The following PRKD1 variants were observed in gnomAD, a reference collection of about 807,000 sequenced individuals.
PRKD1 encodes protein kinase D1, also known as serine/threonine-protein kinase D1.
Under a neutral mutation model 95.9 loss-of-function variants are expected in PRKD1, and 63 were observed. The observed-to-expected ratio is 0.66, with a 90% CI of 0.54 to 0.81. PRKD1 has a LOEUF of 0.81. Ranked by LOEUF, PRKD1 falls within the 30% of genes least tolerant of loss-of-function variation. The pLI is 0.00. For missense variants in PRKD1, 1,048 were observed against 1,165.3 expected, an observed-to-expected ratio of 0.90 and a Z score of 1.47; for synonymous variants, 425 against 423.1, an observed-to-expected ratio of 1.00 and a Z score of -0.05.
chr14:29,653,817 C>A (rs1204829099), intron 4 of PRKD1, among the ~76,000 whole-genome samples: 4 of 152,056 alleles, frequency 2.6e-5, no homozygotes, highest in African/African-American at 9.7e-5. Context: ...AACCAATAAG[C>A]AACTCAATGG....
In PRKD1 at chr14:29,620,346, G is replaced by A. The variant is rs528524361; in HGVS notation, c.1905+3806C>T. ...AAATGGGATATAATTAAACTCAAGA[G>A]CTTCTGCACAGCAAACGAAACTACC... On this transcript the variant is annotated intron_variant, in intron 13 of 17. Transcript: ENST00000331968. 2.6e-5 allele frequency among the ~76,000 whole-genome samples: 4 copies of A among 150,960 alleles called. No homozygotes were observed. In the South Asian group the frequency reaches 8.4e-4, roughly 32 times the overall value.
At chr14:29,888,838 T>C (rs1414396865) in intron 1 of PRKD1, among the ~76,000 whole-genome samples, 1 of 152,240 alleles carries the variant, frequency 6.6e-6, no homozygotes, top group Non-Finnish European at 1.5e-5. Context: ...ATATTCACCC[T>C]TATTTCTAAA....
intron 1 of PRKD1, among the ~76,000 whole-genome samples, chr14:29,786,852 A>C (rs547521189): frequency 2.0e-4 from 30 of 149,440 alleles, no homozygotes; most frequent in African/African-American, 6.9e-4. Flanking sequence ...TCTGATCTTT[A>C]TTTCTTTCCT....
At chr14:29,910,814 C>T (rs1894682350) in intron 1 of PRKD1, among the ~76,000 whole-genome samples, 1 of 152,116 alleles carries the variant, frequency 6.6e-6, no homozygotes, top group Admixed American at 6.5e-5. Context: ...TTGATCTATA[C>T]TTGTCACAAA....
chr14:29,804,008 G>A (rs928925944), intron 1 of PRKD1, among the ~76,000 whole-genome samples: 5 of 152,108 alleles, frequency 3.3e-5, no homozygotes, highest in South Asian at 2.1e-4. Context: ...TTGGGAGGCC[G>A]AGGGGGGCGG....
At chr14:29,841,829 C>T (rs1891859905) in intron 1 of PRKD1, among the ~76,000 whole-genome samples, 1 of 151,816 alleles carries the variant, frequency 6.6e-6, no homozygotes, top group Admixed American at 6.5e-5. Flanking sequence ...ACTTTTAAAA[C>T]TTTTTGACTC....
At chr14:29,614,706 T>C (rs12894576) in intron 13 of PRKD1, among the ~76,000 whole-genome samples, 73,594 of 150,100 alleles carry the variant, frequency 0.49, 19,662 homozygotes, top group East Asian at 0.68. Context: ...TACACATATA[T>C]TTTTTTTTTT....
intron 1 of PRKD1, among the ~76,000 whole-genome samples, chr14:29,747,499 C>A (rs994559034): frequency 2.9e-4 from 44 of 152,138 alleles, no homozygotes; most frequent in African/African-American, 9.7e-4. Flanking sequence ...ACTGCACACA[C>A]ATGTTCATAG....
At chr14:29,706,448 T>C (rs1036037712) in intron 2 of PRKD1, among the ~76,000 whole-genome samples, 30 of 152,166 alleles carry the variant, frequency 2.0e-4, no homozygotes, top group Admixed American at 1.6e-3. Flanking sequence ...AACAATGTTG[T>C]CTTTGCAGTG....
In PRKD1 at chr14:29,590,732, T is replaced by C. The variant is rs1481478580; in HGVS notation, c.2434+6759A>G. ...CTGTAACCCCATATCTTCAAACCTA[T>C]ACCCAAAGGAGAATTTAAGTGTTAA... On this transcript the variant is annotated intron_variant, in intron 16 of 17. Transcript: ENST00000331968. Among the ~76,000 whole-genome samples the C allele has an allele frequency of 2.0e-5, 3 of 152,280 alleles. No individual in the cohort carries two copies. In the South Asian group the frequency reaches 6.2e-4, roughly 32 times the overall value.
intron 1 of PRKD1, among the ~76,000 whole-genome samples, chr14:29,786,049 T>C (rs1259448496): frequency 6.6e-6 from 1 of 152,112 alleles, no homozygotes; most frequent in Non-Finnish European, 1.5e-5. Flanking sequence ...GTTTTCAACA[T>C]GAAGGGATGT....
intron 2 of PRKD1, among the ~76,000 whole-genome samples, chr14:29,702,294 G>A (rs1313298625): frequency 6.6e-6 from 1 of 151,834 alleles, no homozygotes; most frequent in African/African-American, 2.4e-5. Context: ...AACAGTTATT[G>A]GTTTTCTCCT....
chr14:29,674,680 A>C (rs1349227946), intron 2 of PRKD1, among the ~76,000 whole-genome samples: 1 of 152,236 alleles, frequency 6.6e-6, no homozygotes, highest in Non-Finnish European at 1.5e-5. Flanking sequence ...AGGAGGCTTT[A>C]TACCTTTAAA....
intron 1 of PRKD1, among the ~76,000 whole-genome samples, chr14:29,860,649 A>G (rs1273707905): frequency 6.6e-6 from 1 of 152,266 alleles, no homozygotes; most frequent in Non-Finnish European, 1.5e-5. Flanking sequence ...TAATTTTAAG[A>G]TTCCATGTAT....
At chr14:29,774,619 G>A (rs1428623589) in intron 1 of PRKD1, among the ~76,000 whole-genome samples, 1 of 152,120 alleles carries the variant, frequency 6.6e-6, no homozygotes, top group Non-Finnish European at 1.5e-5. Context: ...ACTGGAATTT[G>A]GGACACAAGT....
chr14:29,794,835 CAGTTGTAACCCTCCCAATATTGATAA>C (rs926981035), intron 1 of PRKD1, among the ~76,000 whole-genome samples: 1 of 152,104 alleles, frequency 6.6e-6, no homozygotes, highest in Non-Finnish European at 1.5e-5. Context: ...GGTATGATCA[CAGTTGTAACCCTCCCAATATTGATAA>C]ATTCTTCTAA....
chr14:29,705,057 A>G (rs901083795), intron 2 of PRKD1, among the ~76,000 whole-genome samples: 1 of 152,146 alleles, frequency 6.6e-6, no homozygotes, highest in African/African-American at 2.4e-5. Context: ...GAAGCAAAGC[A>G]TAACTGTACT....
At chr14:29,676,177 G>GGT (rs1555334424) in intron 2 of PRKD1, among the ~76,000 whole-genome samples, 4 of 104,760 alleles carry the variant, frequency 3.8e-5, no homozygotes, top group Admixed American at 2.0e-4. Flanking sequence ...AGTTCATTAC[G>GGT]TTTTTGTTTT....
At chr14:29,892,491 G>A (rs1049209418) in intron 1 of PRKD1, among the ~76,000 whole-genome samples, 5 of 149,324 alleles carry the variant, frequency 3.3e-5, no homozygotes, top group African/African-American at 1.2e-4. Flanking sequence ...AGTTTGTTTT[G>A]CAGTTTCCAT....
Sources: allele counts gnomAD v4.1 joint callset (sites outside exome capture counted in the v4.1 genomes callset), GRCh38; gene constraint gnomAD v4.1.1; transcripts MANE v1.5; gene names NCBI Gene and HGNC (gene_info 2026-07-23, HGNC 2026-07-21).